Variants in SLIT3 observed in about 807,000 individuals in gnomAD.
SLIT3 encodes the protein slit guidance ligand 3.
In SLIT3, 68 loss-of-function variants were observed where a neutral mutation model predicts 184.0. The observed-to-expected ratio is 0.37, with a 90% CI of 0.30 to 0.45. The LOEUF is 0.45. SLIT3 is among the 20% of genes least tolerant of loss of function. The probability of loss-of-function intolerance (pLI) is 1.00; values close to 1 mark genes in which losing one functional copy is unlikely to be tolerated. For missense variants in SLIT3, 1,707 were observed against 2,026.0 expected (o/e 0.84, Z 3.02); for synonymous variants, 831 against 828.6 (o/e 1.00, Z -0.05).
In SLIT3 at chr5:168,757,356, C is replaced by T. The variant is rs116630291; in HGVS notation, c.1686-3349G>A. Among the ~76,000 whole-genome samples, 1,010 of 152,304 alleles carry T rather than the reference C, an allele frequency of 6.6e-3. 10 individuals carry two copies. Among genetic ancestry groups the T allele is most frequent in the African/African-American group, 0.023 (961 of 41,564 alleles). ...CTATTATTATTTTTATGGCCTTGCA[C>T]GCAGCCAAGTTCCACATTTGTGCTA... is the stretch of plus-strand genomic sequence containing the variant. On this transcript the variant is annotated intron_variant, in intron 16 of 35. Coordinates refer to ENST00000519560, the MANE Select transcript of SLIT3 (RefSeq NM_003062.4).
chr5:168,725,761 T>A lies in SLIT3; in HGVS notation c.2271-1277A>T, dbSNP rs535478587. ...GGTGACTGCTGGTCTGCAGACCACA[T>A]TTTGAGTAATAAGGTGCTAGCACAC... On this transcript the variant is annotated intron_variant, in intron 20 of 35. Transcript: ENST00000519560. 5.9e-5 allele frequency among the ~76,000 whole-genome samples: 9 copies of A among 152,328 alleles called. No homozygotes were observed. The South Asian group carries it at 1.9e-3, about 32-fold the overall frequency.
intron 5 of SLIT3, among the ~76,000 whole-genome samples, chr5:168,849,462 C>G (rs1022699536): frequency 6.6e-6 from 1 of 152,130 alleles, no homozygotes; most frequent in Admixed American, 6.5e-5. Flanking sequence ...CCAAATGTGC[C>G]AAATAAGTGT....
chr5:169,121,439 C>T (rs1760869527), intron 4 of SLIT3, among the ~76,000 whole-genome samples: 1 of 152,154 alleles, frequency 6.6e-6, no homozygotes, highest in South Asian at 2.1e-4. Context: ...CCAAAAGGTT[C>T]CCCTGAACCC....
At chr5:169,215,853 T>G (rs944765514) in intron 3 of SLIT3, among the ~76,000 whole-genome samples, 1 of 152,252 alleles carries the variant, frequency 6.6e-6, no homozygotes, top group African/African-American at 2.4e-5. Flanking sequence ...TTGTCTTTTC[T>G]TGTTCCCTCA....
chr5:168,912,176 T>C (rs892376289), intron 4 of SLIT3, among the ~76,000 whole-genome samples: 1 of 152,262 alleles, frequency 6.6e-6, no homozygotes, highest in Non-Finnish European at 1.5e-5. Context: ...ATTTTCTTAA[T>C]AACATTTTTC....
intron 4 of SLIT3, among the ~76,000 whole-genome samples, chr5:169,038,785 G>C (rs925132294): frequency 6.6e-6 from 1 of 152,194 alleles, no homozygotes; most frequent in Admixed American, 6.5e-5. Context: ...TTGTTCAGTG[G>C]TGTCACAGGG....
intron 4 of SLIT3, among the ~76,000 whole-genome samples, chr5:169,171,413 T>C (rs1762815117): frequency 6.6e-6 from 1 of 152,104 alleles, no homozygotes; most frequent in Non-Finnish European, 1.5e-5. Flanking sequence ...GCAAAATAAA[T>C]GTGTGTGGGG....
chr5:168,702,630 A>C (rs1432804), intron 26 of SLIT3, among the ~76,000 whole-genome samples: 4,492 of 152,268 alleles, frequency 0.03, 231 homozygotes, highest in African/African-American at 0.1. Context: ...TAATGGTTAT[A>C]TATGTAAGAC....
At chr5:168,689,935 C>T (rs1761856502) in intron 29 of SLIT3, among the ~76,000 whole-genome samples, 1 of 152,140 alleles carries the variant, frequency 6.6e-6, no homozygotes, top group Non-Finnish European at 1.5e-5. Context: ...ATAATGACAT[C>T]ACATATAAAT....
At chr5:168,715,437 G>A (rs1580995840) in intron 23 of SLIT3, among the ~76,000 whole-genome samples, 1 of 152,164 alleles carries the variant, frequency 6.6e-6, no homozygotes, top group Non-Finnish European at 1.5e-5. Context: ...GCCAATCAGA[G>A]TCACAGTGAT....
chr5:169,214,432 AGT>A (rs1000396790), intron 3 of SLIT3, among the ~76,000 whole-genome samples: 12 of 152,210 alleles, frequency 7.9e-5, no homozygotes, highest in African/African-American at 2.9e-4. Context: ...CAGGAACCGC[AGT>A]GAGGAAGTGG....
chr5:168,751,632 G>C (rs1048315814), intron 18 of SLIT3, among the ~76,000 whole-genome samples: 1 of 152,032 alleles, frequency 6.6e-6, no homozygotes, highest in Non-Finnish European at 1.5e-5. Flanking sequence ...CCCTTCCCAC[G>C]ACAGCGCACT....
chr5:168,869,049 C>T (rs879426509), intron 5 of SLIT3, among the ~76,000 whole-genome samples: 1 of 152,218 alleles, frequency 6.6e-6, no homozygotes, highest in African/African-American at 2.4e-5. Context: ...AAGAGGGGAC[C>T]TGTCACTCTG....
At chr5:168,686,913 C>T in intron 30 of SLIT3, 66 bp downstream of exon 30, 2 of 1,582,536 alleles carry the variant, frequency 1.3e-6, no homozygotes, top group Non-Finnish European at 1.7e-6. Flanking sequence ...CCACCTTAGC[C>T]AGTCAGCCCC....
chr5:168,972,337 A>ATATGTGTG (rs370210394), intron 4 of SLIT3, among the ~76,000 whole-genome samples: 1 of 118,250 alleles, frequency 8.5e-6, no homozygotes, highest in African/African-American at 3.7e-5. Context: ...GCAGGACAAC[A>ATATGTGTG]TGTGTGTGTG....
At chr5:168,923,082 TAA>T (rs1279788992) in intron 4 of SLIT3, among the ~76,000 whole-genome samples, 2 of 152,020 alleles carry the variant, frequency 1.3e-5, no homozygotes, top group Non-Finnish European at 2.9e-5. Context: ...TTGTAGGAAA[TAA>T]AGAGTCAAGA....
chr5:168,754,087 G>A, intron 16 of SLIT3, 80 bp from the exon 17 acceptor site: 2 of 1,453,460 alleles, frequency 1.4e-6, no homozygotes, highest in South Asian at 2.6e-5. Flanking sequence ...TTGCCCTGCA[G>A]CTGCTGGGGA....
At chr5:168,823,229 A>G in intron 7 of SLIT3, 31 bp downstream of exon 7, 1 of 1,584,984 alleles carries the variant, frequency 6.3e-7, no homozygotes, top group Non-Finnish European at 8.7e-7. Flanking sequence ...GTAGGGAGAA[A>G]ATGGGAGAGA....
chr5:168,807,416 GACATTGTAA>G (rs1463959947), intron 8 of SLIT3, among the ~76,000 whole-genome samples: 1 of 152,132 alleles, frequency 6.6e-6, no homozygotes, highest in Non-Finnish European at 1.5e-5. Flanking sequence ...ATGTTTTAAG[GACATTGTAA>G]ACATTTGCAT....
Sources: gnomAD v4.1 joint callset for allele counts (sites outside exome capture counted in the v4.1 genomes callset) on GRCh38, gnomAD v4.1.1 for gene constraint, MANE v1.5 for transcripts, NCBI Gene and HGNC (gene_info 2026-07-23, HGNC 2026-07-21) for gene names.